Variants in CHST15 observed in about 807,000 individuals in gnomAD.
CHST15 encodes the protein carbohydrate sulfotransferase 15.
A neutral mutation model predicts 53.6 loss-of-function variants in CHST15; 30 were observed. The ratio of observed to expected loss-of-function variants is 0.56; its 90% confidence interval spans 0.42 to 0.76. CHST15 has a LOEUF of 0.76. CHST15 is among the 30% of genes least tolerant of loss of function. The pLI is 0.00. For synonymous variants in CHST15, 296 were observed against 289.8 expected (o/e 1.02, Z -0.22); for missense variants, 627 against 740.5 (o/e 0.85, Z 1.78).
At chr10:124,012,213 G>A in intron 7 of CHST15, 120 bp downstream of exon 7, 1 of 1,135,130 alleles carries the variant, frequency 8.8e-7, no homozygotes, top group Non-Finnish European at 1.2e-6. Flanking sequence ...ACATCCCCAG[G>A]CCTCCCAGCT....
chr10:124,085,423 G>A (rs1949387607), intron 1 of CHST15, among the ~76,000 whole-genome samples: 1 of 152,154 alleles, frequency 6.6e-6, no homozygotes. Context: ...GGAAATCCAA[G>A]GTTATTCCAT....
chr10:124,086,549 C>T (rs990237580), intron 1 of CHST15, among the ~76,000 whole-genome samples: 1 of 152,252 alleles, frequency 6.6e-6, no homozygotes, highest in African/African-American at 2.4e-5. Flanking sequence ...GTGGGCGGGT[C>T]TGCCTGACTG....
chr10:124,010,164 C>G lies in CHST15; in HGVS notation c.1671G>C (p.Ala557=), dbSNP rs770505935. 1 of 1,613,040 alleles carries G rather than the reference C, an allele frequency of 6.2e-7. No homozygotes were observed. Among genetic ancestry groups the G allele is most frequent in the Non-Finnish European group, 8.5e-7 (1 of 1,180,040 alleles). The part of the protein sequence containing the change: ...LAQVLADEAF[A]WKTT ...AATTCAGCTCTCACGTCGTCTTCCA[C>G]GCAAACGCCTCATCCGCGAGGACCT... The change falls in exon 8 of 8, where the codon GCG becomes GCC. Residue 557 remains alanine, a synonymous_variant. Coordinates refer to ENST00000435907, the MANE Select transcript of CHST15 (RefSeq NM_001270764.2).
At chr10:124,080,946 C>T (rs1362721746) in intron 1 of CHST15, among the ~76,000 whole-genome samples, 2 of 152,212 alleles carry the variant, frequency 1.3e-5, no homozygotes, top group Admixed American at 1.3e-4. Flanking sequence ...AACAGATAAC[C>T]TTCCAGTGGC....
At chr10:124,063,718 G>T (rs1324929482) in intron 1 of CHST15, among the ~76,000 whole-genome samples, 1 of 152,086 alleles carries the variant, frequency 6.6e-6, no homozygotes, top group Non-Finnish European at 1.5e-5. Flanking sequence ...TATAACAAAG[G>T]CATGTTCCCC....
chr10:124,077,005 G>A (rs544802427), intron 1 of CHST15, among the ~76,000 whole-genome samples: 1 of 152,304 alleles, frequency 6.6e-6, no homozygotes, highest in South Asian at 2.1e-4. Context: ...CACCGCGCCC[G>A]GCCAATTCTT....
intron 5 of CHST15, among the ~76,000 whole-genome samples, chr10:124,033,990 C>T (rs558313691): frequency 2.6e-5 from 4 of 152,362 alleles, no homozygotes; most frequent in Admixed American, 2.6e-4. Flanking sequence ...GGGTCAGCGT[C>T]CTAACACACG....
intron 1 of CHST15, among the ~76,000 whole-genome samples, chr10:124,052,761 C>T (rs1410579836): frequency 6.6e-6 from 1 of 152,182 alleles, no homozygotes; most frequent in Non-Finnish European, 1.5e-5. Context: ...CCCGGCCGGG[C>T]GCGGTGGCTC....
At chr10:124,056,875 A>T (rs1028211109) in intron 1 of CHST15, among the ~76,000 whole-genome samples, 2 of 151,246 alleles carry the variant, frequency 1.3e-5, no homozygotes, top group Non-Finnish European at 2.9e-5. Flanking sequence ...ACGACCGGAC[A>T]CTCTGCGGCC....
intron 5 of CHST15, among the ~76,000 whole-genome samples, chr10:124,026,986 T>C (rs916212931): frequency 7.2e-5 from 11 of 152,074 alleles, no homozygotes; most frequent in African/African-American, 2.4e-4. Flanking sequence ...GGGGACATCA[T>C]ACCCTCCCAG....
At chr10:124,023,838 C>T (rs1005536450) in intron 5 of CHST15, among the ~76,000 whole-genome samples, 6 of 142,978 alleles carry the variant, frequency 4.2e-5, no homozygotes, top group Non-Finnish European at 9.0e-5. Flanking sequence ...ATCCATATTT[C>T]CGTCTTCGTT....
intron 1 of CHST15, among the ~76,000 whole-genome samples, chr10:124,051,556 G>A (rs997149457): frequency 7.9e-5 from 12 of 152,090 alleles, no homozygotes; most frequent in African/African-American, 2.7e-4. Context: ...GACAAGACGG[G>A]GCCCTTGGCA....
chr10:124,077,736 C>T lies in CHST15; in HGVS notation c.-513+15733G>A, dbSNP rs921209706. Among the ~76,000 whole-genome samples, 6 of 152,218 alleles carry T rather than the reference C, an allele frequency of 3.9e-5. No individual in the cohort carries two copies. In the East Asian group the frequency reaches 1.2e-3, roughly 29 times the overall value. On this transcript the variant is annotated intron_variant, in intron 1 of 7. Transcript: ENST00000435907. ...ATATGCTGATAATGCCCTCGCATCT[C>T]GTTCCGGTGGCATCTCACAATTAAT...
rs1016776164 is a variant in CHST15, at chr10:124,008,444, G to A, written c.*1705C>T. 2.0e-6 allele frequency: 2 copies of A among 992,306 alleles called. No individual in the cohort carries two copies. The highest frequency in any genetic ancestry group is 2.4e-6 in the Non-Finnish European group (2 of 833,990). 61.5% of individuals were successfully genotyped at this position (992,306 alleles called of 1,614,324 possible). On this transcript the variant is annotated 3_prime_UTR_variant, in exon 8 of 8. Coordinates refer to ENST00000435907, the MANE Select transcript of CHST15 (RefSeq NM_001270764.2). ...CCTTGTGCTCAGGCCAGATTTCCCTGCTGGCGGCTGCTCCCAGTGCCGGCT... is the reference window on the plus strand; with the variant it reads ...CCTTGTGCTCAGGCCAGATTTCCCTACTGGCGGCTGCTCCCAGTGCCGGCT...
chr10:124,039,482 AAAAG>A (rs1400202293), intron 4 of CHST15, among the ~76,000 whole-genome samples: 3 of 152,268 alleles, frequency 2.0e-5, no homozygotes, highest in Non-Finnish European at 4.4e-5. Flanking sequence ...CTCTAAGACT[AAAAG>A]AGAGAGGGGC....
At chr10:124,071,199 C>T (rs191076321) in intron 1 of CHST15, among the ~76,000 whole-genome samples, 231 of 152,306 alleles carry the variant, frequency 1.5e-3, no homozygotes, top group African/African-American at 5.2e-3. Flanking sequence ...TAGCCCAGAG[C>T]GTTAGAGAAG....
chr10:124,068,212 G>T (rs193159504), intron 1 of CHST15, among the ~76,000 whole-genome samples: 1 of 152,152 alleles, frequency 6.6e-6, no homozygotes, highest in South Asian at 2.1e-4. Flanking sequence ...CTGACCACTC[G>T]GGAGCAGAGT....
intron 1 of CHST15, among the ~76,000 whole-genome samples, chr10:124,058,334 G>T (rs1948450341): frequency 6.6e-6 from 1 of 152,266 alleles, no homozygotes; most frequent in Admixed American, 6.5e-5. Flanking sequence ...TGATAGTCCA[G>T]TGTCTGCCAC....
intron 5 of CHST15, among the ~76,000 whole-genome samples, chr10:124,029,257 G>C (rs1337921460): frequency 6.6e-6 from 1 of 152,186 alleles, no homozygotes; most frequent in Non-Finnish European, 1.5e-5. Context: ...TGTCTCATCA[G>C]GAGGCTGGAT....
Sources: gnomAD v4.1 joint callset for allele counts (sites outside exome capture counted in the v4.1 genomes callset) on GRCh38, gnomAD v4.1.1 for gene constraint, MANE v1.5 for transcripts, NCBI Gene and HGNC (gene_info 2026-07-23, HGNC 2026-07-21) for gene names.